Variants in RPS6KA1 observed in about 807,000 individuals in gnomAD.
The protein encoded by RPS6KA1 is ribosomal protein S6 kinase A1, also known as ribosomal protein S6 kinase alpha-1.
A neutral mutation model predicts 91.3 loss-of-function variants in RPS6KA1; 48 were observed. The observed-to-expected ratio is 0.53, with a 90% CI of 0.42 to 0.67. RPS6KA1 has a LOEUF of 0.67. Among genes scored for constraint, RPS6KA1 ranks in the 30% least tolerant of loss-of-function variants. RPS6KA1 has a pLI of 0.00. For missense variants in RPS6KA1, 719 were observed against 960.5 expected (o/e 0.75, Z 3.32); for synonymous variants, 359 against 384.7 (o/e 0.93, Z 0.78).
intron 1 of RPS6KA1, among the ~76,000 whole-genome samples, chr1:26,531,707 GAT>G (rs1009966809): frequency 9.2e-5 from 14 of 152,196 alleles, no homozygotes; most frequent in African/African-American, 3.4e-4. Flanking sequence ...CTCCAGAAAC[GAT>G]GTGTGATCCT....
In RPS6KA1 at chr1:26,558,866, G is replaced by A. The variant is rs764528363; in HGVS notation, c.1144G>A (p.Val382Met). 1.7e-5 allele frequency: 28 copies of A among 1,613,804 alleles called. No homozygotes were observed. The highest frequency in any genetic ancestry group is 1.6e-4 in the East Asian group (7 of 44,870). Residue 382 changes from valine (V) to methionine (M), a missense_variant, in exon 14 of 22, where the codon GTG becomes ATG. By Grantham distance (21) the Val-to-Met change is conservative (BLOSUM62 1). This residue lies in a region of RPS6KA1 where 228 missense variants were observed against 247.6 expected (regional missense o/e 0.92). Coordinates refer to ENST00000374168, the MANE Select transcript of RPS6KA1 (RefSeq NM_002953.4). The surrounding 1 kb of genome is among the most constrained non-coding windows in gnomAD (Gnocchi z 4.0). ...AHQLFRGFSF[V>M]ATGLMEDDGK... ...TCAGCTGTTCCGGGGCTTCAGCTTC[G>A]TGGCCACCGGCCTGATGGAAGACGA... is the stretch of plus-strand genomic sequence containing the variant.
chr1:26,556,918 C>G lies in RPS6KA1; in HGVS notation c.982-80C>G, dbSNP rs2076106828. 7 of 1,269,798 alleles carry G rather than the reference C, an allele frequency of 5.5e-6. No homozygotes were observed. In the South Asian group the frequency reaches 8.4e-5, roughly 15 times the overall value. 78.7% of individuals were successfully genotyped at this position (1,269,798 alleles called of 1,614,324 possible). A position where few individuals can be genotyped will look rare whatever the true frequency, so the allele number is the denominator to read the frequency against. The stretch of plus-strand genomic sequence containing the variant: ...GGGCAATATGGCCTATGTTCCAAGC[C>G]CAGCACCTCCTCCTGCATGGGGCTC... On this transcript the variant is annotated intron_variant, in intron 12 of 21. Coordinates refer to ENST00000374168, the MANE Select transcript of RPS6KA1 (RefSeq NM_002953.4).
Position 26,554,215 on chromosome 1 carries a change from A to C in RPS6KA1, c.577A>C (p.Ile193Leu). ...CTGACCACTATTTCTCTATTACAGC[A>C]TCCTTCTGGATGAGGAGGGCCACAT... ...IIYRDLKPEN[I>L]LLDEEGHIKL... Residue 193 changes from isoleucine (I) to leucine (L), a missense_variant and splice_region_variant, in exon 8 of 22, where the codon ATC becomes CTC. Transcript: ENST00000374168. The surrounding 1 kb of genome is among the most constrained non-coding windows in gnomAD (Gnocchi z 4.6). 2 of 1,554,608 alleles carry C rather than the reference A, an allele frequency of 1.3e-6. No individual in the cohort carries two copies. Among genetic ancestry groups the C allele is most frequent in the Non-Finnish European group, 1.7e-6 (2 of 1,148,546 alleles).
At position 26,547,878 on chromosome 1, in the gene RPS6KA1, A is replaced by G. The variant is rs1172819313; in HGVS notation, c.307+608A>G. Among the ~76,000 whole-genome samples, 1 of 152,274 alleles carries G rather than the reference A, an allele frequency of 6.6e-6. No homozygotes were observed. Among genetic ancestry groups the G allele is most frequent in the East Asian group, 1.9e-4 (1 of 5,174 alleles). The stretch of plus-strand genomic sequence containing the variant: ...AGAGTCATAGCCAAGTCTCTCTTTA[A>G]ATAAGTCAAGGCCGGGCGCGGTGGC... On this transcript the variant is annotated intron_variant, in intron 4 of 21. Coordinates refer to ENST00000374168, the MANE Select transcript of RPS6KA1 (RefSeq NM_002953.4). The surrounding 1 kb of genome is among the most constrained non-coding windows in gnomAD (Gnocchi z 4.1).
At chr1:26,564,427 T>G (rs1557512238) in intron 17 of RPS6KA1, among the ~76,000 whole-genome samples, 1 of 151,918 alleles carries the variant, frequency 6.6e-6, no homozygotes, top group African/African-American at 2.4e-5. Flanking sequence ...CCCAGCTAAT[T>G]TTTTGTATTT....
In RPS6KA1 at chr1:26,540,302, T is replaced by G. The variant is rs1322796948; in HGVS notation, c.108+3333T>G. 6.6e-6 allele frequency among the ~76,000 whole-genome samples: 1 copy of G among 152,230 alleles called. No individual in the cohort carries two copies. Among genetic ancestry groups the G allele is most frequent in the Non-Finnish European group, 1.5e-5 (1 of 68,040 alleles). The stretch of plus-strand genomic sequence containing the variant: ...CGAGGTTCAGACAGGGAAACAGATT[T>G]GCCCGGGAGCACCCAGCTAGTGAGT... On this transcript the variant is annotated intron_variant, in intron 2 of 21. Coordinates refer to ENST00000374168, the MANE Select transcript of RPS6KA1 (RefSeq NM_002953.4). This position sits in a 1 kb window ranked among gnomAD's most constrained non-coding sequence, Gnocchi z 4.2.
Position 26,554,641 on chromosome 1 carries a change from A to G in RPS6KA1, c.659A>G (p.Tyr220Cys). Residue 220 changes from tyrosine (Y) to cysteine (C), a missense_variant, in exon 9 of 22, where the codon TAT becomes TGT. Physicochemically the swap from Tyr to Cys is radical, Grantham distance 194. Transcript: ENST00000374168. The surrounding 1 kb of genome is among the most constrained non-coding windows in gnomAD (Gnocchi z 4.6). ...KEAIDHEKKA[Y>C]SFCGTVEYMA... ...GCCATTGACCACGAGAAGAAGGCCT[A>G]TTCTTTCTGCGGGACAGTGGAGTAC... 1.2e-6 allele frequency: 2 copies of G among 1,613,890 alleles called. No homozygotes were observed. The highest frequency in any genetic ancestry group is 2.2e-5 in the East Asian group (1 of 44,880).
intron 13 of RPS6KA1, among the ~76,000 whole-genome samples, chr1:26,557,377 C>A (rs2124646364): frequency 6.6e-6 from 1 of 152,156 alleles, no homozygotes; most frequent in Non-Finnish European, 1.5e-5. Context: ...AAGCCAGGAC[C>A]CCTGCCCGGG....
rs1266539622 is a variant in RPS6KA1 at position 26,551,273 on chromosome 1, G to T, written c.308-124G>T. The T allele has an allele frequency of 1.4e-5, 11 of 784,772 alleles. No homozygotes were observed. The highest frequency in any genetic ancestry group is 1.2e-4 in the African/African-American group (7 of 58,124). The allele number at this position is 784,772 out of a possible 1,614,324, so 48.6% of individuals were successfully genotyped here. A position where few individuals can be genotyped will look rare whatever the true frequency, so the allele number is the denominator to read the frequency against. ...AGGATTGAGTGTCCCCAAAGCCCTG[G>T]GTGAGGGGGCTTTGGGAGCTCAGGC... On this transcript the variant is annotated intron_variant, in intron 4 of 21. Coordinates refer to ENST00000374168, the MANE Select transcript of RPS6KA1 (RefSeq NM_002953.4). This position sits in a 1 kb window ranked among gnomAD's most constrained non-coding sequence, Gnocchi z 4.5.
In RPS6KA1 at chr1:26,571,376, A is replaced by G. The variant is rs1400503732; in HGVS notation, c.1591-73A>G. The G allele has an allele frequency of 6.8e-7, 1 of 1,469,188 alleles. No homozygotes were observed. Among genetic ancestry groups the G allele is most frequent in the African/African-American group, 1.4e-5 (1 of 72,020 alleles). The allele number at this position is 1,469,188 out of a possible 1,614,324, so 91.0% of individuals were successfully genotyped here. On this transcript the variant is annotated intron_variant, in intron 17 of 21. Transcript: ENST00000374168. The surrounding 1 kb of genome is among the most constrained non-coding windows in gnomAD (Gnocchi z 5.1). ...CTGCACCCTGTCTGTGTAGCTTTCT[A>G]ATCTCTGGCCGCTGACCTGGGCCAC...
chr1:26,570,977 G>A (rs1407668191), intron 17 of RPS6KA1, among the ~76,000 whole-genome samples: 1 of 151,564 alleles, frequency 6.6e-6, no homozygotes, highest in Non-Finnish European at 1.5e-5. Flanking sequence ...ACAAAAATCA[G>A]CCAGCCATGG....
intron 13 of RPS6KA1, among the ~76,000 whole-genome samples, chr1:26,557,331 A>T (rs2076111903): frequency 6.6e-6 from 1 of 151,880 alleles, no homozygotes; most frequent in African/African-American, 2.4e-5. Flanking sequence ...AGAGAGTGGG[A>T]GTGGGGATGT....
chr1:26,545,886 G>A, intron 2 of RPS6KA1: 1 of 1,560,084 alleles, frequency 6.4e-7, no homozygotes, highest in Non-Finnish European at 8.7e-7. Context: ...ATGGTGCCGT[G>A]GCCCTGCTGG....
Position 26,571,241 on chromosome 1 carries a change from A to G in RPS6KA1, c.1591-208A>G. ...ATTGAGAGTTCAGTTTTGACAGGTT[A>G]ACTTAGAGCTACCTGTAGACACCTA... On this transcript the variant is annotated intron_variant, in intron 17 of 21. Coordinates refer to ENST00000374168, the MANE Select transcript of RPS6KA1 (RefSeq NM_002953.4). This position sits in a 1 kb window ranked among gnomAD's most constrained non-coding sequence, Gnocchi z 5.1. 1 of 560,068 alleles carries G rather than the reference A, an allele frequency of 1.8e-6. No individual in the cohort carries two copies. The highest frequency in any genetic ancestry group is 3.2e-6 in the Non-Finnish European group (1 of 314,044). 34.7% of individuals were successfully genotyped at this position (560,068 alleles called of 1,614,324 possible). A position where few individuals can be genotyped will look rare whatever the true frequency, so the allele number is the denominator to read the frequency against.
intron 4 of RPS6KA1, among the ~76,000 whole-genome samples, chr1:26,549,690 C>CTT (rs561375723): frequency 1.2e-4 from 12 of 101,932 alleles, no homozygotes; most frequent in Non-Finnish European, 1.9e-4. Flanking sequence ...AAAGCCTGTT[C>CTT]TTTTTTTTTT....
At chr1:26,552,415 T>C (rs1473231889) in intron 6 of RPS6KA1, among the ~76,000 whole-genome samples, 1 of 146,858 alleles carries the variant, frequency 6.8e-6, no homozygotes, top group Non-Finnish European at 1.5e-5. Context: ...AAAAAGGATT[T>C]GAGCTAGAAA....
chr1:26,568,005 A>G (rs6657116), intron 17 of RPS6KA1, among the ~76,000 whole-genome samples: 4,821 of 152,198 alleles, frequency 0.032, 227 homozygotes, highest in African/African-American at 0.11. Flanking sequence ...GTCACGGCCT[A>G]TTGCTCCAGT....
In RPS6KA1 at chr1:26,554,394, C is replaced by T. The variant is rs1570442417; in HGVS notation, c.613+143C>T. 8.9e-7 allele frequency: 1 copy of T among 1,119,798 alleles called. No homozygotes were observed. Among genetic ancestry groups the T allele is most frequent in the Non-Finnish European group, 1.3e-6 (1 of 780,604 alleles). 69.4% of individuals were successfully genotyped at this position (1,119,798 alleles called of 1,614,324 possible). A position where few individuals can be genotyped will look rare whatever the true frequency, so the allele number is the denominator to read the frequency against. On this transcript the variant is annotated intron_variant, in intron 8 of 21. Transcript: ENST00000374168. The surrounding 1 kb of genome is among the most constrained non-coding windows in gnomAD (Gnocchi z 4.6). ...AGTGGTCAAAAACTCAGGCCTCAGA[C>T]TTGGAACACCCTCAGCTGGAATCCC... is the stretch of plus-strand genomic sequence containing the variant.
chr1:26,538,219 A>G (rs978435909), intron 2 of RPS6KA1, among the ~76,000 whole-genome samples: 1 of 152,342 alleles, frequency 6.6e-6, no homozygotes, highest in Non-Finnish European at 1.5e-5. Flanking sequence ...AGCTCAGCCC[A>G]TGTCTGCAGA....
Sources: allele counts gnomAD v4.1 joint callset (sites outside exome capture counted in the v4.1 genomes callset), GRCh38; gene constraint gnomAD v4.1.1; regional missense constraint gnomAD v4.1.1; non-coding constraint Gnocchi (gnomAD v3.1); transcripts MANE v1.5; gene names NCBI Gene and HGNC (gene_info 2026-07-23, HGNC 2026-07-21).